The following SETD2 variants were observed in gnomAD, a reference collection of about 807,000 sequenced individuals.
The protein encoded by SETD2 is SET domain containing 2, histone lysine methyltransferase.
SETD2 carries 31 observed loss-of-function variants against 242.1 expected under a neutral mutation model. The ratio of observed to expected loss-of-function variants is 0.13; its 90% CI spans 0.10 to 0.17. The LOEUF is 0.17. Among genes scored for constraint, SETD2 ranks in the 10% least tolerant of loss-of-function variants. The pLI, the probability that SETD2 is intolerant of heterozygous loss-of-function variation, is 1.00. For missense variants in SETD2, 2,481 were observed against 3,046.3 expected (o/e 0.81, Z 4.37); for synonymous variants, 1,006 against 1,066.5 (o/e 0.94, Z 1.11).
At chr3:47,098,173 C>G in intron 8 of SETD2, 92 bp from the exon 9 acceptor site, 1 of 1,281,578 alleles carries the variant, frequency 7.8e-7, no homozygotes, top group South Asian at 1.6e-5. Flanking sequence ...CCAGTCTAAA[C>G]AAAATCAAAC....
intron 13 of SETD2, among the ~76,000 whole-genome samples, chr3:47,066,356 T>C (rs527897262): frequency 1.5e-4 from 23 of 152,306 alleles, no homozygotes; most frequent in Admixed American, 7.2e-4. Flanking sequence ...AAACATCTTT[T>C]TTCCTTTTAG....
chr3:47,148,399 C>T (rs2043912106), intron 1 of SETD2, among the ~76,000 whole-genome samples: 1 of 151,892 alleles, frequency 6.6e-6, no homozygotes, highest in Non-Finnish European at 1.5e-5. Flanking sequence ...CCAAAGTGCT[C>T]GGATTACAGA....
At chr3:47,132,672 C>G (rs539865518) in intron 1 of SETD2, among the ~76,000 whole-genome samples, 1 of 152,188 alleles carries the variant, frequency 6.6e-6, no homozygotes, top group South Asian at 2.1e-4. Flanking sequence ...TTCGTAACTA[C>G]AAATCAGAAA....
chr3:47,144,057 T>C (rs1485629307), intron 1 of SETD2, among the ~76,000 whole-genome samples: 2 of 152,188 alleles, frequency 1.3e-5, no homozygotes, highest in African/African-American at 4.8e-5. Flanking sequence ...CAGCTCTAGC[T>C]GTCAAGTTTC....
intron 1 of SETD2, among the ~76,000 whole-genome samples, chr3:47,154,980 C>A (rs2044094276): frequency 6.7e-6 from 1 of 150,212 alleles, no homozygotes; most frequent in African/African-American, 2.5e-5. Flanking sequence ...GGCGACAGAG[C>A]AAGACTCCAT....
At chr3:47,050,734 T>C (rs1483829177) in intron 15 of SETD2, among the ~76,000 whole-genome samples, 1 of 125,858 alleles carries the variant, frequency 7.9e-6, no homozygotes, top group African/African-American at 3.1e-5. Flanking sequence ...TTTTTTTTTT[T>C]TTTTTTTTTT....
rs2038010316 is a variant in SETD2, at chr3:47,017,007, A to G, written c.*86T>C. On this transcript the variant is annotated 3_prime_UTR_variant, in exon 21 of 21. Transcript: ENST00000409792. The surrounding 1 kb of genome is among the most constrained non-coding windows in gnomAD (Gnocchi z 4.8). Reference sequence around the variant, plus strand: ...GTATCATCAGTAGCACAGTGCTGACAGGGGTGGGACAGAAAGGCCCACAGG... The same window carrying G: ...GTATCATCAGTAGCACAGTGCTGACGGGGGTGGGACAGAAAGGCCCACAGG... 1.5e-6 allele frequency: 2 copies of G among 1,309,010 alleles called. No homozygotes were observed. Among genetic ancestry groups the G allele is most frequent in the Admixed American group, 1.8e-5 (1 of 57,080 alleles). 81.1% of individuals were successfully genotyped at this position (1,309,010 alleles called of 1,614,324 possible). A position where few individuals can be genotyped will look rare whatever the true frequency, so the allele number is the denominator to read the frequency against.
intron 18 of SETD2, among the ~76,000 whole-genome samples, chr3:47,029,693 A>C (rs1290215321): frequency 1.3e-5 from 2 of 152,188 alleles, no homozygotes; most frequent in African/African-American, 4.8e-5. Context: ...ATAAAGCTAC[A>C]AACTATGATT....
intron 15 of SETD2, 110 bp from the exon 16 acceptor site, chr3:47,046,731 T>G (rs1402555260): frequency 1.0e-6 from 1 of 968,892 alleles, no homozygotes; most frequent in Non-Finnish European, 1.4e-6. Context: ...ATTTTAAAAT[T>G]TTTTGTTTAT....
chr3:47,095,344 C>A (rs1305568727), intron 9 of SETD2, among the ~76,000 whole-genome samples: 1 of 152,106 alleles, frequency 6.6e-6, no homozygotes, highest in African/African-American at 2.4e-5. Flanking sequence ...CCATGTTGGC[C>A]AGGCTGGTCT....
chr3:47,080,922 T>A, intron 12 of SETD2: 1 of 987,012 alleles, frequency 1.0e-6, no homozygotes, highest in Non-Finnish European at 1.2e-6. Flanking sequence ...TCACCTATTA[T>A]ATTTTTCATG....
chr3:47,093,284 CTT>C (rs67167956), intron 9 of SETD2, among the ~76,000 whole-genome samples: 8 of 133,672 alleles, frequency 6.0e-5, no homozygotes, highest in Admixed American at 7.5e-5. Context: ...TTTATCCATC[CTT>C]TTTTTTTTTT....
At chr3:47,067,646 C>T (rs2040621593) in intron 12 of SETD2, among the ~76,000 whole-genome samples, 1 of 151,916 alleles carries the variant, frequency 6.6e-6, no homozygotes, top group Non-Finnish European at 1.5e-5. Flanking sequence ...AACTCCTGGG[C>T]TCAAGCAATC....
At chr3:47,030,271 C>A (rs1037502877) in intron 18 of SETD2, among the ~76,000 whole-genome samples, 3 of 151,280 alleles carry the variant, frequency 2.0e-5, no homozygotes, top group African/African-American at 7.3e-5. Flanking sequence ...AATTTGAGAG[C>A]AGAAAAATAT....
intron 1 of SETD2, among the ~76,000 whole-genome samples, chr3:47,130,601 A>C (rs574896231): frequency 2.8e-4 from 43 of 152,334 alleles, no homozygotes; most frequent in African/African-American, 1.0e-3. Flanking sequence ...CAAAGAAGAG[A>C]GTTTTTGAAG....
intron 1 of SETD2, among the ~76,000 whole-genome samples, chr3:47,141,390 C>T (rs1575839455): frequency 6.6e-6 from 1 of 152,066 alleles, no homozygotes; most frequent in South Asian, 2.1e-4. Flanking sequence ...CTTGCTTAAC[C>T]ACATTAAATG....
intron 16 of SETD2, 100 bp downstream of exon 16, chr3:47,046,387 A>G: frequency 9.1e-7 from 1 of 1,098,718 alleles, no homozygotes; most frequent in Non-Finnish European, 1.2e-6. Context: ...GTGAAAAAAA[A>G]ACCCAAAAAT....
At chr3:47,099,173 G>A (rs2042114395) in intron 8 of SETD2, among the ~76,000 whole-genome samples, 1 of 151,690 alleles carries the variant, frequency 6.6e-6, no homozygotes, top group Non-Finnish European at 1.5e-5. Context: ...TTCATTGCCA[G>A]AAGTCTGGTA....
chr3:47,118,007 T>C (rs2042930728), intron 3 of SETD2, among the ~76,000 whole-genome samples: 1 of 152,212 alleles, frequency 6.6e-6, no homozygotes, highest in Admixed American at 6.5e-5. Flanking sequence ...CTCTAAATGG[T>C]TATCTAATCT....
Sources: gnomAD v4.1 joint callset for allele counts (sites outside exome capture counted in the v4.1 genomes callset) on GRCh38, gnomAD v4.1.1 for gene constraint, Gnocchi (gnomAD v3.1) non-coding constraint, MANE v1.5 for transcripts, NCBI Gene and HGNC (gene_info 2026-07-23, HGNC 2026-07-21) for gene names.